Variants in EXOC4 observed in about 807,000 individuals in gnomAD.
EXOC4 encodes SEC8-like 1.
Under a neutral mutation model 107.2 loss-of-function variants are expected in EXOC4, and 71 were observed. The observed-to-expected ratio is 0.66, with a 90% CI of 0.55 to 0.81. EXOC4 has a LOEUF of 0.81. Ranked by LOEUF, EXOC4 falls within the 30% of genes least tolerant of loss-of-function variation. The pLI, the probability that EXOC4 is intolerant of heterozygous loss-of-function variation, is 0.00. For synonymous variants in EXOC4, 456 were observed against 441.2 expected (o/e 1.03, Z -0.42); for missense variants, 1,108 against 1,189.6 (o/e 0.93, Z 1.01).
At chr7:133,836,231 G>A (rs78776992) in intron 11 of EXOC4, among the ~76,000 whole-genome samples, 2,348 of 152,270 alleles carry the variant, frequency 0.015, 59 homozygotes, top group African/African-American at 0.053. Context: ...TCCCCAGCTA[G>A]CATTGGTATT....
intron 9 of EXOC4, among the ~76,000 whole-genome samples, chr7:133,594,002 C>T (rs925697023): frequency 6.6e-6 from 1 of 152,088 alleles, no homozygotes; most frequent in African/African-American, 2.4e-5. Flanking sequence ...AAGTAATGTT[C>T]TTCTAACAAG....
intron 13 of EXOC4, among the ~76,000 whole-genome samples, chr7:133,924,615 CA>C (rs1358374173): frequency 1.3e-5 from 2 of 152,122 alleles, no homozygotes; most frequent in East Asian, 3.8e-4. Context: ...ATACATGAAG[CA>C]AAGTGTAATC....
chr7:133,274,540 C>A (rs191964514), intron 1 of EXOC4, among the ~76,000 whole-genome samples: 1 of 152,166 alleles, frequency 6.6e-6, no homozygotes, highest in Non-Finnish European at 1.5e-5. Context: ...AGTATCTTAT[C>A]TTTGTACAGT....
rs570369345 is a variant in EXOC4, at chr7:133,391,872, C to T, written c.1182+16870C>T. Among the ~76,000 whole-genome samples the T allele has an allele frequency of 2.6e-5, 4 of 152,280 alleles. No individual in the cohort carries two copies. In the South Asian group the frequency reaches 8.3e-4, roughly 32 times the overall value. On this transcript the variant is annotated intron_variant, in intron 7 of 17. Transcript: ENST00000253861. ...AGAAGGAATAGAAAGTAATAGATTA[C>T]ATAAGTCAGGTGCTTTTGATTGGAA... is the stretch of plus-strand genomic sequence containing the variant.
chr7:133,895,380 AC>A (rs1413986081), intron 11 of EXOC4, among the ~76,000 whole-genome samples: 2 of 151,626 alleles, frequency 1.3e-5, no homozygotes, highest in African/African-American at 4.9e-5. Context: ...TGCAGAAATC[AC>A]CCGTCTTCTG....
At chr7:133,462,338 TA>T (rs1032422263) in intron 7 of EXOC4, among the ~76,000 whole-genome samples, 3 of 152,166 alleles carry the variant, frequency 2.0e-5, no homozygotes, top group African/African-American at 7.2e-5. Context: ...GAAAAGAATA[TA>T]AGAATGATTT....
chr7:133,731,012 T>C (rs1437972940), intron 10 of EXOC4, among the ~76,000 whole-genome samples: 1 of 152,208 alleles, frequency 6.6e-6, no homozygotes, highest in African/African-American at 2.4e-5. Flanking sequence ...TTAGGTATTT[T>C]TTACTTTAGA....
At chr7:133,515,656 A>T (rs1200757649) in intron 9 of EXOC4, among the ~76,000 whole-genome samples, 1 of 152,058 alleles carries the variant, frequency 6.6e-6, no homozygotes, top group African/African-American at 2.4e-5. Flanking sequence ...TTTTGTAGTG[A>T]CAAGGTCTTG....
At chr7:133,298,922 A>G (rs1794582046) in intron 3 of EXOC4, among the ~76,000 whole-genome samples, 1 of 152,216 alleles carries the variant, frequency 6.6e-6, no homozygotes, top group Non-Finnish European at 1.5e-5. Flanking sequence ...AATTGGTTTA[A>G]GTCATTGTAT....
At chr7:133,276,875 G>C (rs968411355) in intron 2 of EXOC4, among the ~76,000 whole-genome samples, 1 of 152,126 alleles carries the variant, frequency 6.6e-6, no homozygotes, top group African/African-American at 2.4e-5. Context: ...ATGACTTTCA[G>C]CTTCTAAGAG....
intron 17 of EXOC4, among the ~76,000 whole-genome samples, chr7:134,032,903 A>T (rs1795300010): frequency 6.6e-6 from 1 of 152,342 alleles, no homozygotes; most frequent in Non-Finnish European, 1.5e-5. Context: ...GTCCTCAATT[A>T]GCTATAATAT....
At chr7:133,268,559 C>G (rs1164994375) in intron 1 of EXOC4, among the ~76,000 whole-genome samples, 2 of 152,124 alleles carry the variant, frequency 1.3e-5, no homozygotes. Context: ...CAAAATTGCT[C>G]CACAGAAGGA....
rs532061008 is a variant in EXOC4, at chr7:133,663,401, A to G, written c.1514+33260A>G. ...CTTTTAATACCGTCTCAAGCTGATCACTTCCAAATTTATATCTCCAGCCTG... is the reference window on the plus strand; with the variant it reads ...CTTTTAATACCGTCTCAAGCTGATCGCTTCCAAATTTATATCTCCAGCCTG... On this transcript the variant is annotated intron_variant, in intron 10 of 17. Transcript: ENST00000253861. Among the ~76,000 whole-genome samples the G allele has an allele frequency of 6.9e-4, 105 of 152,130 alleles. No homozygotes were observed. In the South Asian group the frequency reaches 0.014, roughly 20 times the overall value.
chr7:134,088,170 G>A, the EXOC4 span, among the ~76,000 whole-genome samples: 1 of 152,038 alleles, frequency 6.6e-6, no homozygotes, highest in East Asian at 1.9e-4. Context: ...GTTTTCCCAA[G>A]GGGCTTTTAT....
chr7:133,701,959 T>TTCTTTC (rs1794665336), intron 10 of EXOC4, among the ~76,000 whole-genome samples: 2 of 137,678 alleles, frequency 1.5e-5, no homozygotes, highest in African/African-American at 5.8e-5. Flanking sequence ...ACTGTCATTT[T>TTCTTTC]TCTTTTTCTT....
chr7:133,366,755 A>G (rs1041011316), intron 6 of EXOC4, among the ~76,000 whole-genome samples: 1 of 152,096 alleles, frequency 6.6e-6, no homozygotes, highest in South Asian at 2.1e-4. Context: ...ATCATATGCT[A>G]TTTTGCCAAT....
intron 10 of EXOC4, among the ~76,000 whole-genome samples, chr7:133,631,089 A>T (rs543677896): frequency 1.3e-5 from 2 of 152,282 alleles, no homozygotes; most frequent in East Asian, 3.9e-4. Context: ...CACAATTTTT[A>T]AAATGCACCT....
intron 7 of EXOC4, among the ~76,000 whole-genome samples, chr7:133,379,685 G>A (rs1277589304): frequency 2.6e-5 from 4 of 151,424 alleles, no homozygotes; most frequent in East Asian, 1.9e-4. Context: ...TTTTACTTAT[G>A]TTCTGAACTG....
At chr7:133,584,455 C>T (rs924338145) in intron 9 of EXOC4, among the ~76,000 whole-genome samples, 14 of 151,784 alleles carry the variant, frequency 9.2e-5, no homozygotes, top group Non-Finnish European at 1.5e-4. Flanking sequence ...ATTAACTTTG[C>T]GTCATCTCTC....
Sources: gnomAD v4.1 joint callset for allele counts (sites outside exome capture counted in the v4.1 genomes callset) on GRCh38, gnomAD v4.1.1 for gene constraint, MANE v1.5 for transcripts, NCBI Gene and HGNC (gene_info 2026-07-23, HGNC 2026-07-21) for gene names.